Variants in PPFIBP1 observed in about 807,000 individuals in gnomAD.
PPFIBP1 encodes PPFIB scaffold protein 1, also known as liprin-beta-1.
In PPFIBP1, 112 loss-of-function variants were observed where a neutral mutation model predicts 137.8. The observed-to-expected ratio is 0.81, with a 90% CI of 0.70 to 0.95. The LOEUF (loss-of-function observed/expected upper bound fraction) is 0.95. Among genes scored for constraint, PPFIBP1 ranks in the 40% least tolerant of loss-of-function variants. The pLI is 0.00. For synonymous variants in PPFIBP1, 378 were observed against 417.3 expected (o/e 0.91, Z 1.15); for missense variants, 1,083 against 1,196.6 (o/e 0.91, Z 1.40).
intron 7 of PPFIBP1, among the ~76,000 whole-genome samples, chr12:27,653,633 A>G (rs1206152681): frequency 6.6e-6 from 1 of 151,094 alleles, no homozygotes; most frequent in Non-Finnish European, 1.5e-5. Flanking sequence ...AAGCAAAAAT[A>G]TAGTAACCAT....
intron 27 of PPFIBP1, among the ~76,000 whole-genome samples, chr12:27,689,567 T>G (rs1371484678): frequency 6.6e-6 from 1 of 152,160 alleles, no homozygotes; most frequent in African/African-American, 2.4e-5. Context: ...TGAAAGAGAA[T>G]GAGCCCAAGA....
Position 27,691,850 on chromosome 12 carries a change from A to C in PPFIBP1, c.2787A>C (p.Gly929=). ...CAATGGAATTGGGACAGGCATCAGGAAGTGCATCTAAGAAAGGATTTAAAC... is the reference window on the plus strand; with the variant it reads ...CAATGGAATTGGGACAGGCATCAGGCAGTGCATCTAAGAAAGGATTTAAAC... ...VCPMELGQAS[G]SASKKGFKPG... is the part of the protein sequence containing the mutation. The change falls in exon 28 of 30, where the codon GGA becomes GGC. Residue 929 remains glycine, a synonymous_variant. Coordinates refer to ENST00000228425, the MANE Select transcript of PPFIBP1 (RefSeq NM_003622.4). The C allele has an allele frequency of 6.2e-7, 1 of 1,614,080 alleles. No individual in the cohort carries two copies. The highest frequency in any genetic ancestry group is 1.3e-5 in the African/African-American group (1 of 75,066).
At chr12:27,536,244 G>C (rs1944989924) in intron 1 of PPFIBP1, among the ~76,000 whole-genome samples, 2 of 152,192 alleles carry the variant, frequency 1.3e-5, no homozygotes, top group Non-Finnish European at 2.9e-5. Flanking sequence ...TGAATAGAGA[G>C]GCCAGGAATG....
intron 2 of PPFIBP1, among the ~76,000 whole-genome samples, chr12:27,627,016 G>A (rs2056875827): frequency 6.6e-6 from 1 of 152,160 alleles, no homozygotes; most frequent in Non-Finnish European, 1.5e-5. Flanking sequence ...GGGTACATGA[G>A]ATATTTTGAT....
At chr12:27,630,259 A>C (rs2057166884) in intron 2 of PPFIBP1, among the ~76,000 whole-genome samples, 1 of 151,944 alleles carries the variant, frequency 6.6e-6, no homozygotes. Flanking sequence ...TAAGTGGATT[A>C]AATTTGTCTA....
intron 2 of PPFIBP1, among the ~76,000 whole-genome samples, chr12:27,616,504 C>T (rs1032272445): frequency 1.3e-5 from 2 of 151,922 alleles, no homozygotes; most frequent in African/African-American, 2.4e-5. Context: ...AGCACTGGAT[C>T]GTAACACAGG....
chr12:27,601,152 T>C (rs963701503), intron 2 of PPFIBP1, among the ~76,000 whole-genome samples: 4 of 152,206 alleles, frequency 2.6e-5, no homozygotes, highest in African/African-American at 9.7e-5. Flanking sequence ...ATTTTATATG[T>C]ATTTTACCAG....
At chr12:27,533,982 C>T (rs1944688147) in intron 1 of PPFIBP1, among the ~76,000 whole-genome samples, 1 of 152,286 alleles carries the variant, frequency 6.6e-6, no homozygotes, top group African/African-American at 2.4e-5. Context: ...CAGGTCAGTT[C>T]ATGAACCTGG....
Position 27,646,045 on chromosome 12 carries a change from A to G in PPFIBP1, c.271-17A>G. Reference sequence around the variant, plus strand: ...CTTAGAGAAGATCAGCCTTACCCATATTACTTCCTTTTTCAGACAAATGGA... The same window carrying G: ...CTTAGAGAAGATCAGCCTTACCCATGTTACTTCCTTTTTCAGACAAATGGA... On this transcript the variant is annotated splice_polypyrimidine_tract_variant and intron_variant, in intron 4 of 29. Coordinates refer to ENST00000228425, the MANE Select transcript of PPFIBP1 (RefSeq NM_003622.4). 1 of 1,550,612 alleles carries G rather than the reference A, an allele frequency of 6.4e-7. No homozygotes were observed.
chr12:27,616,240 A>G (rs2055737341), intron 2 of PPFIBP1, among the ~76,000 whole-genome samples: 1 of 151,788 alleles, frequency 6.6e-6, no homozygotes, highest in Admixed American at 6.6e-5. Flanking sequence ...TTTCTTCCCA[A>G]AATTTCCAGA....
chr12:27,591,829 T>A (rs1217569050), intron 2 of PPFIBP1, among the ~76,000 whole-genome samples: 2 of 152,180 alleles, frequency 1.3e-5, no homozygotes, highest in African/African-American at 4.8e-5. Flanking sequence ...GTCAGGTACC[T>A]GGGGAATATC....
At chr12:27,615,019 A>G (rs1471766277) in intron 2 of PPFIBP1, among the ~76,000 whole-genome samples, 1 of 152,236 alleles carries the variant, frequency 6.6e-6, no homozygotes, top group Non-Finnish European at 1.5e-5. Context: ...CAATGAATGA[A>G]TCATGAATAG....
chr12:27,627,953 C>T (rs74074034), intron 2 of PPFIBP1, among the ~76,000 whole-genome samples: 3,007 of 152,046 alleles, frequency 0.02, 103 homozygotes, highest in African/African-American at 0.068. Flanking sequence ...CTCCTGCAAA[C>T]GGAGCTCATT....
chr12:27,558,258 TTTTTTTTTG>T (rs1421028929), intron 1 of PPFIBP1, among the ~76,000 whole-genome samples: 4 of 141,960 alleles, frequency 2.8e-5, no homozygotes, highest in African/African-American at 8.1e-5. Flanking sequence ...CCTTCTGGGT[TTTTTTTTTG>T]TTTTGTTTTG....
chr12:27,548,230 T>G (rs1435991374), intron 1 of PPFIBP1: 1 of 152,200 alleles, frequency 6.6e-6, no homozygotes, highest in Non-Finnish European at 1.5e-5. Flanking sequence ...GTTCAGAATA[T>G]TCATCCTATG....
At chr12:27,594,972 T>A (rs2053020163) in intron 2 of PPFIBP1, among the ~76,000 whole-genome samples, 2 of 152,244 alleles carry the variant, frequency 1.3e-5, no homozygotes, top group Non-Finnish European at 2.9e-5. Flanking sequence ...GACCATTAGG[T>A]GGTAGTTATT....
intron 10 of PPFIBP1, among the ~76,000 whole-genome samples, chr12:27,659,651 C>T (rs1354794228): frequency 2.8e-5 from 2 of 71,530 alleles, no homozygotes; most frequent in Non-Finnish European, 5.2e-5. Flanking sequence ...ACACTGACAC[C>T]CCATCTCTTA....
At position 27,667,246 on chromosome 12, in the gene PPFIBP1, G is replaced by A; in HGVS notation, c.1072G>A (p.Glu358Lys). Residue 358 changes from glutamate (E) to lysine (K), a missense_variant, in exon 13 of 30, where the codon GAG (glutamate) becomes AAG (lysine). Glu to Lys is a moderately conservative substitution (Grantham distance 56). Coordinates refer to ENST00000228425, the MANE Select transcript of PPFIBP1 (RefSeq NM_003622.4). Reference protein sequence around the residue: ...LLDAQGFSDLEKSPSPTPVMG... With the variant: ...LLDAQGFSDLKKSPSPTPVMG... The stretch of plus-strand genomic sequence containing the variant: ...GGATGCACAGGGTTTCAGTGATCTG[G>A]AGAAAAGTCCATCACCCACTCCAGT... 3 of 1,613,824 alleles carry A rather than the reference G, an allele frequency of 1.9e-6. No homozygotes were observed. Among genetic ancestry groups the A allele is most frequent in the Non-Finnish European group, 2.5e-6 (3 of 1,179,826 alleles).
At chr12:27,689,246 G>T in intron 27 of PPFIBP1, 43 bp downstream of exon 27, 1 of 1,493,720 alleles carries the variant, frequency 6.7e-7, no homozygotes, top group South Asian at 1.4e-5. Context: ...TTGGCGCAAA[G>T]GCAACGTTTT....
Sources: gnomAD v4.1 joint callset for allele counts (sites outside exome capture counted in the v4.1 genomes callset) on GRCh38, gnomAD v4.1.1 for gene constraint, MANE v1.5 for transcripts, NCBI Gene and HGNC (gene_info 2026-07-23, HGNC 2026-07-21) for gene names.